The following FBXO42 variants were observed in gnomAD, a reference collection of about 807,000 sequenced individuals.
The protein encoded by FBXO42 is F-box protein 42.
FBXO42 carries 12 observed loss-of-function variants against 71.7 expected under a neutral mutation model. That is an observed-to-expected ratio of 0.17 (90% CI 0.11 to 0.27). The LOEUF (loss-of-function observed/expected upper bound fraction) is 0.27. Ranked by LOEUF, FBXO42 falls within the 10% of genes least tolerant of loss-of-function variation. The probability of loss-of-function intolerance (pLI) is 1.00; values close to 1 mark genes in which losing one functional copy is unlikely to be tolerated. For synonymous variants in FBXO42, 325 were observed against 327.5 expected (o/e 0.99, Z 0.08); for missense variants, 707 against 911.9 (o/e 0.78, Z 2.89).
Position 16,306,557 on chromosome 1 carries a change from A to ATT in FBXO42, c.251-640_251-639dup, listed in dbSNP as rs554387798. Among the ~76,000 whole-genome samples, 6 of 152,328 alleles carry ATT rather than the reference A, an allele frequency of 3.9e-5. No homozygotes were observed. The South Asian group carries it at 1.2e-3, about 32-fold the overall frequency. On this transcript the variant is annotated intron_variant, in intron 2 of 9. Coordinates refer to ENST00000375592, the MANE Select transcript of FBXO42 (RefSeq NM_018994.3). ...TCCAAAGCAAAGGTGTTGGGGGATA[A>ATT]TTTAGCCTTATGAAAGAGTATGATA... is the stretch of plus-strand genomic sequence containing the variant.
At chr1:16,311,481 T>G (rs953443639) in intron 2 of FBXO42, among the ~76,000 whole-genome samples, 19 of 84,182 alleles carry the variant, frequency 2.3e-4, no homozygotes, top group African/African-American at 8.7e-4. Context: ...GAGCAAGATC[T>G]TGTCTCAAAA....
At chr1:16,316,763 A>G (rs2082371084) in intron 1 of FBXO42, among the ~76,000 whole-genome samples, 1 of 150,580 alleles carries the variant, frequency 6.6e-6, no homozygotes, top group Non-Finnish European at 1.5e-5. Context: ...AAGATAGTAA[A>G]TGTTCCAAGA....
chr1:16,297,144 G>A (rs1410341963), intron 3 of FBXO42, among the ~76,000 whole-genome samples: 2 of 152,006 alleles, frequency 1.3e-5, no homozygotes, highest in South Asian at 2.1e-4. Context: ...GGGTTTCACC[G>A]TGTTGGCCAA....
At chr1:16,308,278 G>A (rs942774531) in intron 2 of FBXO42, among the ~76,000 whole-genome samples, 5 of 152,130 alleles carry the variant, frequency 3.3e-5, no homozygotes, top group African/African-American at 1.2e-4. Flanking sequence ...ACTGTGTCCA[G>A]CCTTTACTGA....
chr1:16,265,793 A>G (rs1020228729), intron 4 of FBXO42, among the ~76,000 whole-genome samples: 30 of 152,190 alleles, frequency 2.0e-4, no homozygotes, highest in African/African-American at 7.0e-4. Flanking sequence ...AAAAAAAAAA[A>G]AAGACATTTC....
chr1:16,346,516 G>A (rs1207202197), intron 1 of FBXO42, among the ~76,000 whole-genome samples: 1 of 151,556 alleles, frequency 6.6e-6, no homozygotes, highest in African/African-American at 2.4e-5. Context: ...GTGAAACCCC[G>A]TCTCCACCAA....
At chr1:16,334,952 C>T (rs935523099) in intron 1 of FBXO42, among the ~76,000 whole-genome samples, 9 of 149,800 alleles carry the variant, frequency 6.0e-5, no homozygotes, top group African/African-American at 9.8e-5. Flanking sequence ...AATGGCCACG[C>T]GCAGTGGTTC....
chr1:16,268,807 C>T (rs2081805327), intron 4 of FBXO42, among the ~76,000 whole-genome samples: 1 of 151,758 alleles, frequency 6.6e-6, no homozygotes, highest in African/African-American at 2.4e-5. Context: ...CTACTAAAAA[C>T]GAACAAACAA....
chr1:16,348,634 G>A (rs1237818595), intron 1 of FBXO42, among the ~76,000 whole-genome samples: 1 of 152,174 alleles, frequency 6.6e-6, no homozygotes, highest in Non-Finnish European at 1.5e-5. Flanking sequence ...CCGGGAGGTA[G>A]AGGTTACAGT....
intron 3 of FBXO42, 68 bp downstream of exon 3, chr1:16,305,735 C>T (rs1004622721): frequency 4.5e-6 from 6 of 1,332,622 alleles, no homozygotes; most frequent in Non-Finnish European, 6.5e-6. Flanking sequence ...AAAAAACATG[C>T]CACCAAACAA....
At chr1:16,314,863 G>A (rs923200102) in intron 2 of FBXO42, among the ~76,000 whole-genome samples, 12 of 150,458 alleles carry the variant, frequency 8.0e-5, no homozygotes, top group Non-Finnish European at 1.0e-4. Context: ...CAGCCTGGGC[G>A]ACAGAGTGAG....
intron 2 of FBXO42, among the ~76,000 whole-genome samples, chr1:16,310,836 C>G (rs974207848): frequency 6.6e-6 from 1 of 151,490 alleles, no homozygotes; most frequent in African/African-American, 2.4e-5. Flanking sequence ...ACCAGCCTGG[C>G]CAACACAGTG....
At chr1:16,253,406 C>G (rs1326810478) in intron 7 of FBXO42, 2 of 592,924 alleles carry the variant, frequency 3.4e-6, no homozygotes, top group Non-Finnish European at 5.9e-6. Flanking sequence ...GCAGGATTCT[C>G]TTGAGAAATG....
intron 6 of FBXO42, 73 bp from the exon 7 acceptor site, chr1:16,253,804 A>G: frequency 3.6e-6 from 5 of 1,375,936 alleles, no homozygotes; most frequent in Non-Finnish European, 5.1e-6. Flanking sequence ...GGGGAGTTCC[A>G]CATGCCTGTG....
At position 16,249,551 on chromosome 1, in the gene FBXO42, C is replaced by G. The variant is rs1026476174; in HGVS notation, c.*1119G>C. On this transcript the variant is annotated 3_prime_UTR_variant, in exon 10 of 10. Transcript: ENST00000375592. The stretch of plus-strand genomic sequence containing the variant: ...ATTCTACAAATATGGGATGAGTGTG[C>G]TCAATGTGCTTTGGAAGTAAAAAGA... 1 of 152,196 alleles carries G rather than the reference C, an allele frequency of 6.6e-6. No homozygotes were observed. The highest frequency in any genetic ancestry group is 2.4e-5 in the African/African-American group (1 of 41,454). The allele number at this position is 152,196 out of a possible 1,614,324, so 9.4% of individuals were successfully genotyped here.
intron 1 of FBXO42, among the ~76,000 whole-genome samples, chr1:16,340,902 G>T (rs1481479406): frequency 6.6e-6 from 1 of 152,216 alleles, no homozygotes; most frequent in East Asian, 1.9e-4. Flanking sequence ...AATAGAAACT[G>T]TATCTTTTGT....
rs2081580699 is a variant in FBXO42 at position 16,250,535 on chromosome 1, G to T, written c.*135C>A. ...TTAATGGAGATTTGATCCCAGCCTG[G>T]AGTGACTTCGGTTGGGAATTAAAGA... On this transcript the variant is annotated 3_prime_UTR_variant, in exon 10 of 10. Transcript: ENST00000375592. The surrounding 1 kb of genome is among the most constrained non-coding windows in gnomAD (Gnocchi z 4.7). The T allele has an allele frequency of 1.3e-6, 1 of 784,238 alleles. No individual in the cohort carries two copies. The highest frequency in any genetic ancestry group is 2.8e-5 in the Admixed American group (1 of 36,110). The allele number at this position is 784,238 out of a possible 1,614,324, so 48.6% of individuals were successfully genotyped here. A position where few individuals can be genotyped will look rare whatever the true frequency, so the allele number is the denominator to read the frequency against.
intron 2 of FBXO42, among the ~76,000 whole-genome samples, chr1:16,312,926 C>T (rs374873818): frequency 1.3e-5 from 2 of 151,962 alleles, no homozygotes; most frequent in African/African-American, 2.4e-5. Context: ...TCCCGAGTAG[C>T]TAGGACTACA....
In FBXO42 at chr1:16,262,037, C is replaced by T. The variant is rs114813155; in HGVS notation, c.503-5278G>A. On this transcript the variant is annotated intron_variant, in intron 4 of 9. Coordinates refer to ENST00000375592, the MANE Select transcript of FBXO42 (RefSeq NM_018994.3). ...CAGGTATATCAAATTTTATGTGACC[C>T]TGAGTGCCCATATAATATTTGGCAT... Among the ~76,000 whole-genome samples the T allele has an allele frequency of 1.9e-3, 295 of 152,212 alleles. 1 individual carries two copies. The highest frequency in any genetic ancestry group is 6.8e-3 in the Middle Eastern group (2 of 294).
Sources: gnomAD v4.1 joint callset for allele counts (sites outside exome capture counted in the v4.1 genomes callset) on GRCh38, gnomAD v4.1.1 for gene constraint, Gnocchi (gnomAD v3.1) non-coding constraint, MANE v1.5 for transcripts, NCBI Gene and HGNC (gene_info 2026-07-23, HGNC 2026-07-21) for gene names.